Variants in PTPDC1 observed in about 807,000 individuals in gnomAD.
PTPDC1 encodes the protein protein tyrosine phosphatase domain-containing protein 1.
In PTPDC1, 53 loss-of-function variants were observed where a neutral mutation model predicts 75.3. The observed-to-expected ratio is 0.70, with a 90% CI of 0.56 to 0.88. PTPDC1 has a LOEUF of 0.88. Among genes scored for constraint, PTPDC1 ranks in the 40% least tolerant of loss-of-function variants. PTPDC1 has a pLI of 0.00. For missense variants in PTPDC1, 925 were observed against 998.6 expected (o/e 0.93, Z 0.99); for synonymous variants, 349 against 366.2 (o/e 0.95, Z 0.54).
Position 94,097,345 on chromosome 9 carries a change from T to C in PTPDC1, c.779T>C (p.Val260Ala). Residue 260 changes from valine (V) to alanine (A), a missense_variant, in exon 6 of 9, where the codon GTT (valine) becomes GCT (alanine). Physicochemically the swap from Val to Ala is moderately conservative, Grantham distance 64 (BLOSUM62 0). Transcript: ENST00000620992. ...GGTGTTTTAATAGCCTGTTACTTAGTTTTTGCAACGAGAATGACTGCTGAC... is the reference window on the plus strand; with the variant it reads ...GGTGTTTTAATAGCCTGTTACTTAGCTTTTGCAACGAGAATGACTGCTGAC... ...RTGVLIACYL[V>A]FATRMTADQA... 1 of 1,609,690 alleles carries C rather than the reference T, an allele frequency of 6.2e-7. No individual in the cohort carries two copies.
At chr9:94,092,224 G>T (rs889169969) in intron 4 of PTPDC1, among the ~76,000 whole-genome samples, 2 of 148,334 alleles carry the variant, frequency 1.3e-5, no homozygotes, top group African/African-American at 5.1e-5. Context: ...GGCATTTAGT[G>T]CTATAAATTT....
chr9:94,054,815 G>GA (rs1213217822), intron 1 of PTPDC1, among the ~76,000 whole-genome samples: 1 of 152,118 alleles, frequency 6.6e-6, no homozygotes, highest in Non-Finnish European at 1.5e-5. Flanking sequence ...AGTTTTCTAG[G>GA]AAAAAGCAAA....
At position 94,088,275 on chromosome 9, in the gene PTPDC1, C is replaced by T. The variant is rs758669025; in HGVS notation, c.616+12C>T. 1 of 1,612,252 alleles carries T rather than the reference C, an allele frequency of 6.2e-7. No homozygotes were observed. Among genetic ancestry groups the T allele is most frequent in the South Asian group, 1.1e-5 (1 of 90,652 alleles). ...CATGGAGGCTGGCAGTAAGTTCCTC[C>T]CACCCTCCTCTCATGAATTATCAAG... is the stretch of plus-strand genomic sequence containing the variant. On this transcript the variant is annotated intron_variant, in intron 4 of 8. Coordinates refer to ENST00000620992, the MANE Select transcript of PTPDC1 (RefSeq NM_001253829.2).
At chr9:94,090,299 G>T (rs2118006715) in intron 4 of PTPDC1, among the ~76,000 whole-genome samples, 1 of 119,126 alleles carries the variant, frequency 8.4e-6, no homozygotes, top group African/African-American at 3.5e-5. Flanking sequence ...TCTACGTATG[G>T]CTAGCCAGTT....
At chr9:94,066,667 C>T (rs1051344436) in intron 2 of PTPDC1, among the ~76,000 whole-genome samples, 3 of 152,094 alleles carry the variant, frequency 2.0e-5, no homozygotes, top group African/African-American at 7.2e-5. Context: ...AAGAGATTCT[C>T]CTGTCTCAGC....
chr9:94,076,145 C>T (rs1171747567), intron 2 of PTPDC1, among the ~76,000 whole-genome samples: 3 of 152,150 alleles, frequency 2.0e-5, no homozygotes, highest in Non-Finnish European at 4.4e-5. Flanking sequence ...GGATTACAAG[C>T]GCATGCTACC....
At chr9:94,031,443 G>A (rs1289931759) in intron 1 of PTPDC1, among the ~76,000 whole-genome samples, 1 of 151,738 alleles carries the variant, frequency 6.6e-6, no homozygotes, top group African/African-American at 2.4e-5. Context: ...ATTTGTAAAT[G>A]TTGGCAATCA....
chr9:94,043,036 C>A (rs1274498086), intron 1 of PTPDC1, among the ~76,000 whole-genome samples: 1 of 152,178 alleles, frequency 6.6e-6, no homozygotes, highest in Admixed American at 6.5e-5. Context: ...AATTCTACTT[C>A]TCTTGCTGTT....
At position 94,091,088 on chromosome 9, in the gene PTPDC1, A is replaced by G. The variant is rs1407864240; in HGVS notation, c.616+2825A>G. Among the ~76,000 whole-genome samples the G allele has an allele frequency of 3.1e-3, 457 of 148,756 alleles. 2 individuals carry two copies. The highest frequency in any genetic ancestry group is 0.011 in the African/African-American group (431 of 40,214). Reference sequence around the variant, plus strand: ...TACCCTTTATTTCCTTCTCCTGCCTAATTGCCCAGGCCAGAACTTCCAACA... The same window carrying G: ...TACCCTTTATTTCCTTCTCCTGCCTGATTGCCCAGGCCAGAACTTCCAACA... On this transcript the variant is annotated intron_variant, in intron 4 of 8. Coordinates refer to ENST00000620992, the MANE Select transcript of PTPDC1 (RefSeq NM_001253829.2).
At chr9:94,080,224 G>C (rs956666951), upstream of PTPDC1, among the ~76,000 whole-genome samples, 1 of 152,132 alleles carries the variant, frequency 6.6e-6, no homozygotes, top group African/African-American at 2.4e-5. Flanking sequence ...GGTAGTGATG[G>C]GAGACTGGTT....
chr9:94,109,543 AAAGAAGGGG>A lies in PTPDC1; in HGVS notation c.*1605_*1613del, dbSNP rs1455354030. 85 of 152,284 alleles carry A rather than the reference AAAGAAGGGG, an allele frequency of 5.6e-4. No homozygotes were observed. The highest frequency in any genetic ancestry group is 1.9e-3 in the African/African-American group (79 of 41,546). 9.4% of individuals were successfully genotyped at this position (152,284 alleles called of 1,614,324 possible). On this transcript the variant is annotated 3_prime_UTR_variant, in exon 9 of 9. Transcript: ENST00000620992. ...CTTATTTTCAAGTGCCTGGCCTGGG[AAAGAAGGGG>A]AAGAAACAATTGCATTATATCCAAA...
At chr9:94,044,726 CTT>C (rs71511684) in intron 1 of PTPDC1, among the ~76,000 whole-genome samples, 1 of 147,330 alleles carries the variant, frequency 6.8e-6, no homozygotes. Flanking sequence ...ATACCTTTCT[CTT>C]TTTTTTTTTG....
chr9:94,100,716 G>A (rs1038816523), intron 6 of PTPDC1: 4 of 152,204 alleles, frequency 2.6e-5, no homozygotes, highest in African/African-American at 9.6e-5. Flanking sequence ...TGTGCATGTA[G>A]TAAATATTGG....
intron 1 of PTPDC1, among the ~76,000 whole-genome samples, chr9:94,041,152 A>C (rs1825417079): frequency 6.6e-6 from 1 of 152,182 alleles, no homozygotes; most frequent in Non-Finnish European, 1.5e-5. Context: ...TGTACAAATC[A>C]ACTGACTCTA....
At position 94,101,616 on chromosome 9, in the gene PTPDC1, G is replaced by A; in HGVS notation, c.2064G>A (p.Arg688=). 1.9e-6 allele frequency: 3 copies of A among 1,613,382 alleles called. No homozygotes were observed. The highest frequency in any genetic ancestry group is 2.5e-6 in the Non-Finnish European group (3 of 1,179,546). Residue 688 remains arginine (R), a synonymous_variant, in exon 7 of 9, where the codon AGG becomes AGA. Coordinates refer to ENST00000620992, the MANE Select transcript of PTPDC1 (RefSeq NM_001253829.2). ...CTTGGGAAAGAATATGTGGCGAGAG[G>A]GACCCTTTCATCCTATGCAGCTTGA... The part of the protein sequence containing the change: ...DGAWERICGE[R]DPFILCSLMW...
intron 2 of PTPDC1, among the ~76,000 whole-genome samples, chr9:94,066,547 A>T (rs1447926180): frequency 2.0e-5 from 3 of 151,980 alleles, no homozygotes; most frequent in South Asian, 2.1e-4. Context: ...TCTACTACTT[A>T]AAAAAAATTT....
chr9:94,066,463 T>C (rs910253572), intron 2 of PTPDC1, among the ~76,000 whole-genome samples: 1 of 152,214 alleles, frequency 6.6e-6, no homozygotes, highest in Non-Finnish European at 1.5e-5. Context: ...ATAAAGTATT[T>C]ATTTTTAAAG....
At chr9:94,044,079 A>C (rs1023703123) in intron 1 of PTPDC1, among the ~76,000 whole-genome samples, 1 of 152,208 alleles carries the variant, frequency 6.6e-6, no homozygotes, top group African/African-American at 2.4e-5. Context: ...TCTTGAAATC[A>C]GGTAATGTAA....
chr9:94,082,732 A>G (rs2117960018), upstream of PTPDC1, among the ~76,000 whole-genome samples: 1 of 152,250 alleles, frequency 6.6e-6, no homozygotes, highest in South Asian at 2.1e-4. Flanking sequence ...TTCCTTAGAC[A>G]TTGACACAGG....
Sources: gnomAD v4.1 joint callset for allele counts (sites outside exome capture counted in the v4.1 genomes callset) on GRCh38, gnomAD v4.1.1 for gene constraint, MANE v1.5 for transcripts, NCBI Gene and HGNC (gene_info 2026-07-23, HGNC 2026-07-21) for gene names.